Variants in LRIG1 observed in about 807,000 individuals in gnomAD.
LRIG1 encodes leucine-rich repeats and immunoglobulin-like domains protein 1.
LRIG1 carries 48 observed loss-of-function variants against 99.2 expected under a neutral mutation model. The observed-to-expected ratio is 0.48, with a 90% CI of 0.38 to 0.62. The LOEUF (loss-of-function observed/expected upper bound fraction) is 0.62, where lower values mean the gene tolerates loss of function less well. LRIG1 is among the 20% of genes least tolerant of loss of function. LRIG1 has a pLI of 0.00. For synonymous variants in LRIG1, 772 were observed against 596.1 expected (o/e 1.29, Z -4.30); for missense variants, 1,646 against 1,434.4 (o/e 1.15, Z -2.38).
chr3:66,480,071 A>G (rs1302723863), intron 1 of LRIG1, among the ~76,000 whole-genome samples: 2 of 152,250 alleles, frequency 1.3e-5, no homozygotes, highest in Non-Finnish European at 2.9e-5. Context: ...GTGTCCACCA[A>G]CTGATGAGTG....
At chr3:66,454,476 A>C (rs970148796) in intron 2 of LRIG1, among the ~76,000 whole-genome samples, 1 of 152,228 alleles carries the variant, frequency 6.6e-6, no homozygotes, top group East Asian at 1.9e-4. Flanking sequence ...AATATCTACG[A>C]TTGTACAGTC....
chr3:66,486,436 TG>T lies in LRIG1; in HGVS notation c.218+13753del, dbSNP rs1700976819. 1.3e-5 allele frequency among the ~76,000 whole-genome samples: 2 copies of T among 152,048 alleles called. 1 individual carries two copies. The highest frequency in any genetic ancestry group is 4.1e-4 in the South Asian group (2 of 4,826). ...CCATGGCCCCTCATAACCAGATGCC[TG>T]GAATGCAGGACTCTGAGAAGACAAG... On this transcript the variant is annotated intron_variant, in intron 1 of 18. Transcript: ENST00000273261.
At chr3:66,399,288 T>C (rs1701970078) in intron 9 of LRIG1, among the ~76,000 whole-genome samples, 1 of 152,158 alleles carries the variant, frequency 6.6e-6, no homozygotes, top group East Asian at 1.9e-4. Context: ...TAGGCTGGAA[T>C]TGCATGTGCC....
At chr3:66,432,453 C>T (rs1221858891) in intron 3 of LRIG1, among the ~76,000 whole-genome samples, 1 of 152,208 alleles carries the variant, frequency 6.6e-6, no homozygotes, top group African/African-American at 2.4e-5. Flanking sequence ...ATGGCAGGAA[C>T]AGTGGGAACA....
chr3:66,474,878 T>C (rs4345018), intron 1 of LRIG1, among the ~76,000 whole-genome samples: 14,992 of 152,252 alleles, frequency 0.098, 971 homozygotes, highest in Middle Eastern at 0.15. Flanking sequence ...CAAAGGTGGT[T>C]AAGAGCCTTG....
At position 66,412,942 on chromosome 3, in the gene LRIG1, C is replaced by T. The variant is rs917925423; in HGVS notation, c.720G>A (p.Leu240=). The T allele has an allele frequency of 1.2e-6, 2 of 1,614,256 alleles. No individual in the cohort carries two copies. The highest frequency in any genetic ancestry group is 2.2e-5 in the East Asian group (1 of 44,886). Residue 240 remains leucine, a synonymous_variant, in exon 6 of 19, where the codon CTG becomes CTA. Coordinates refer to ENST00000273261, the MANE Select transcript of LRIG1 (RefSeq NM_015541.3). ...TFQGLNSLEV[L]KLQRNNISKL... ...TGCTGATGTTGTTTCGCTGAAGCTT[C>T]AGCACCTCCAAGCTGTTGAGCCCCT... is the stretch of plus-strand genomic sequence containing the variant.
chr3:66,460,697 C>A (rs1700336171), intron 2 of LRIG1, among the ~76,000 whole-genome samples: 1 of 152,192 alleles, frequency 6.6e-6, no homozygotes, highest in Non-Finnish European at 1.5e-5. Context: ...TCAAGGCACC[C>A]AGCCTGTGCT....
In LRIG1 at chr3:66,380,396, G is replaced by C. The variant is rs745427634; in HGVS notation, c.3149C>G (p.Ala1050Gly). Reference sequence around the variant, plus strand: ...GGAAACAAGCAAGTACTGGGCTTCCGCGCGCTCTGGACTGCCTGAAGTTAA... The same window carrying C: ...GGAAACAAGCAAGTACTGGGCTTCCCCGCGCTCTGGACTGCCTGAAGTTAA... ...SSLTSGSPERAEAQYLLVSNG... is the reference protein window; with the variant it reads ...SSLTSGSPERGEAQYLLVSNG... The change falls in exon 19 of 19, where the codon GCG (alanine) becomes GGG (glycine). Residue 1050 changes from alanine (A) to glycine (G), a missense_variant. Ala to Gly is a moderately conservative substitution (Grantham distance 60, BLOSUM62 0). Transcript: ENST00000273261. The C allele has an allele frequency of 7.5e-6, 12 of 1,609,530 alleles. No homozygotes were observed. The highest frequency in any genetic ancestry group is 1.0e-5 in the Non-Finnish European group (12 of 1,175,836).
At chr3:66,425,946 G>A (rs1292452918) in intron 3 of LRIG1, among the ~76,000 whole-genome samples, 1 of 152,188 alleles carries the variant, frequency 6.6e-6, no homozygotes, top group Admixed American at 6.5e-5. Context: ...ACAGATGGAG[G>A]CATTTGAAAC....
intron 1 of LRIG1, among the ~76,000 whole-genome samples, chr3:66,494,582 T>C (rs769769318): frequency 4.6e-5 from 7 of 152,190 alleles, no homozygotes; most frequent in Non-Finnish European, 7.4e-5. Flanking sequence ...TATGAACAGA[T>C]TGAAGTTATA....
Position 66,380,874 on chromosome 3 carries a change from G to A in LRIG1, c.2771-13C>T, listed in dbSNP as rs376019669. On this transcript the variant is annotated splice_polypyrimidine_tract_variant and intron_variant, in intron 17 of 18. Coordinates refer to ENST00000273261, the MANE Select transcript of LRIG1 (RefSeq NM_015541.3). ...CGGCCACCGTGTTCTGAAGGACAGC[G>A]CCAAAGATGGGTTAGAGTCACTGCT... 1.1e-4 allele frequency: 170 copies of A among 1,611,862 alleles called. No individual in the cohort carries two copies. Among genetic ancestry groups the A allele is most frequent in the Non-Finnish European group, 1.3e-4 (151 of 1,178,446 alleles).
At chr3:66,390,892 G>C (rs190440702) in intron 12 of LRIG1, among the ~76,000 whole-genome samples, 63 of 152,274 alleles carry the variant, frequency 4.1e-4, no homozygotes, top group Non-Finnish European at 7.2e-4. Context: ...CAGACTGGGA[G>C]AAAATATTGG....
At chr3:66,450,914 C>A (rs569968102) in intron 3 of LRIG1, among the ~76,000 whole-genome samples, 1 of 152,290 alleles carries the variant, frequency 6.6e-6, no homozygotes. Context: ...CACCTGACTG[C>A]TGAAGAAATA....
At chr3:66,451,304 C>A (rs545209069) in intron 3 of LRIG1, among the ~76,000 whole-genome samples, 3 of 144,554 alleles carry the variant, frequency 2.1e-5, no homozygotes, top group Non-Finnish European at 3.0e-5. Context: ...TATACCTCTG[C>A]GCATTAAAAA....
intron 12 of LRIG1, among the ~76,000 whole-genome samples, chr3:66,392,479 T>A (rs977248012): frequency 6.6e-6 from 1 of 152,160 alleles, no homozygotes; most frequent in Non-Finnish European, 1.5e-5. Flanking sequence ...CTAGCTGTCC[T>A]AGTGGATGTG....
intron 3 of LRIG1, among the ~76,000 whole-genome samples, chr3:66,421,146 A>AAGATG (rs1702795976): frequency 1.3e-5 from 2 of 152,148 alleles, no homozygotes; most frequent in African/African-American, 4.8e-5. Flanking sequence ...GAGTCAATTC[A>AAGATG]AGATGAGATT....
chr3:66,402,935 C>T (rs1575663184), intron 9 of LRIG1, among the ~76,000 whole-genome samples: 2 of 152,194 alleles, frequency 1.3e-5, no homozygotes, highest in African/African-American at 2.4e-5. Flanking sequence ...TCTGTCCCTC[C>T]CTTCATTCAA....
chr3:66,494,680 T>C (rs1490495423), intron 1 of LRIG1, among the ~76,000 whole-genome samples: 4 of 152,150 alleles, frequency 2.6e-5, no homozygotes, highest in African/African-American at 7.2e-5. Flanking sequence ...TAAGAACATA[T>C]AAAGCAAAAA....
At position 66,429,480 on chromosome 3, in the gene LRIG1, C is replaced by T. The variant is rs114028905; in HGVS notation, c.366-12214G>A. 4.5e-3 allele frequency among the ~76,000 whole-genome samples: 680 copies of T among 152,272 alleles called. 8 individuals are homozygous for T. The highest frequency in any genetic ancestry group is 0.015 in the African/African-American group (640 of 41,546). ...AAAAGATGCCCATCTGAAAAGACTA[C>T]CAATTGTATGATTCCAAATGTATGA... is the stretch of plus-strand genomic sequence containing the variant. On this transcript the variant is annotated intron_variant, in intron 3 of 18. Transcript: ENST00000273261.
Sources: gnomAD v4.1 joint callset for allele counts (sites outside exome capture counted in the v4.1 genomes callset) on GRCh38, gnomAD v4.1.1 for gene constraint, MANE v1.5 for transcripts, NCBI Gene and HGNC (gene_info 2026-07-23, HGNC 2026-07-21) for gene names.